NEIL3: variants seen among roughly 807,000 people sequenced by gnomAD.
NEIL3 encodes the protein endonuclease 8-like 3.
In NEIL3, 48 loss-of-function variants were observed where a neutral mutation model predicts 57.5. The observed-to-expected ratio is 0.83, with a 90% CI of 0.66 to 1.06. NEIL3 has a LOEUF of 1.06. Ranked by LOEUF, NEIL3 falls within the 50% of genes least tolerant of loss-of-function variation. The pLI is 0.00. For synonymous variants in NEIL3, 261 were observed against 253.2 expected (o/e 1.03, Z -0.29); for missense variants, 717 against 739.1 (o/e 0.97, Z 0.35).
In NEIL3 at chr4:177,362,509, G is replaced by A; in HGVS notation, c.*38G>A. The A allele has an allele frequency of 6.8e-7, 1 of 1,473,680 alleles. No homozygotes were observed. Among genetic ancestry groups the A allele is most frequent in the Non-Finnish European group, 9.3e-7 (1 of 1,079,126 alleles). 91.3% of individuals were successfully genotyped at this position (1,473,680 alleles called of 1,614,324 possible). A position where few individuals can be genotyped will look rare whatever the true frequency, so the allele number is the denominator to read the frequency against. On this transcript the variant is annotated 3_prime_UTR_variant, in exon 10 of 10. Transcript: ENST00000264596. ...CTCTGGCATTTAGTCTCTTCAAACT[G>A]TGTATAATGTTTGGTCCTCCTCTGT...
intron 6 of NEIL3, among the ~76,000 whole-genome samples, chr4:177,341,860 T>C (rs982925014): frequency 6.6e-6 from 1 of 152,190 alleles, no homozygotes; most frequent in Admixed American, 6.5e-5. Context: ...GTGGAAAATC[T>C]CTGGCTCAGG....
intron 2 of NEIL3, among the ~76,000 whole-genome samples, chr4:177,332,677 C>T (rs1296319318): frequency 1.3e-5 from 2 of 152,082 alleles, no homozygotes; most frequent in African/African-American, 2.4e-5. Context: ...GTGTATTCTC[C>T]TTGTGTCTGG....
At chr4:177,357,667 C>T (rs1560922634) in intron 8 of NEIL3, among the ~76,000 whole-genome samples, 1 of 152,156 alleles carries the variant, frequency 6.6e-6, no homozygotes, top group Non-Finnish European at 1.5e-5. Context: ...TGTACATGAG[C>T]AGACTATAGC....
chr4:177,330,462 A>C (rs1198654855), intron 2 of NEIL3, among the ~76,000 whole-genome samples: 3 of 152,222 alleles, frequency 2.0e-5, no homozygotes, highest in Non-Finnish European at 4.4e-5. Context: ...AACCCAAAAC[A>C]GACAGAAGGA....
intron 8 of NEIL3, among the ~76,000 whole-genome samples, chr4:177,356,291 T>C (rs1488988913): frequency 6.6e-6 from 1 of 152,218 alleles, no homozygotes; most frequent in Non-Finnish European, 1.5e-5. Flanking sequence ...GATTTCTTCA[T>C]AAGCCATTAG....
At chr4:177,353,251 A>G (rs1735396938) in intron 7 of NEIL3, 57 bp from the exon 8 acceptor site, 1 of 1,387,024 alleles carries the variant, frequency 7.2e-7, no homozygotes, top group East Asian at 2.3e-5. Context: ...GATGTTTCAC[A>G]TAATCAGTAT....
In NEIL3 at chr4:177,335,706, A is replaced by C; in HGVS notation, c.297A>C (p.Lys99Asn). 1 of 1,609,144 alleles carries C rather than the reference A, an allele frequency of 6.2e-7. No homozygotes were observed. The highest frequency in any genetic ancestry group is 2.2e-5 in the East Asian group (1 of 44,710). Residue 99 changes from lysine (K) to asparagine (N), a missense_variant, in exon 3 of 10, where the codon AAA becomes AAC. Physicochemically the swap from Lys to Asn is moderately conservative, Grantham distance 94 (BLOSUM62 0). Transcript: ENST00000264596. ...PKALRIHFGM[K>N]GFIMINPLEY... ...GTTTCAGGATTCATTTCGGAATGAA[A>C]GGCTTCATCATGATTAATCCACTTG...
At chr4:177,336,797 C>G (rs929077893) in intron 4 of NEIL3, among the ~76,000 whole-genome samples, 9 of 152,276 alleles carry the variant, frequency 5.9e-5, no homozygotes, top group Non-Finnish European at 1.2e-4. Flanking sequence ...CTTATTTTCT[C>G]TCTCTGGCAT....
At chr4:177,327,122 C>T (rs1434052316) in intron 2 of NEIL3, among the ~76,000 whole-genome samples, 2 of 152,148 alleles carry the variant, frequency 1.3e-5, no homozygotes, top group African/African-American at 2.4e-5. Context: ...TCTCTTCTCT[C>T]TCCTGCTGCC....
intron 8 of NEIL3, among the ~76,000 whole-genome samples, chr4:177,354,807 A>C (rs1735439593): frequency 6.6e-6 from 1 of 152,186 alleles, no homozygotes; most frequent in Admixed American, 6.6e-5. Context: ...AAGTCCTAAA[A>C]AGCATACTTG....
intron 6 of NEIL3, among the ~76,000 whole-genome samples, chr4:177,350,531 G>C (rs1432150924): frequency 6.6e-6 from 1 of 151,960 alleles, no homozygotes; most frequent in East Asian, 1.9e-4. Flanking sequence ...TTACATGAAG[G>C]GAAACAACAC....
In NEIL3 at chr4:177,322,480, T is replaced by C. The variant is rs1734703870; in HGVS notation, c.178T>C (p.Ser60Pro). ...CTAGGCTGCTGCACTGAATAATGATTCCAGCCAGAATGTCTTGAGCCTGTT... is the reference window on the plus strand; with the variant it reads ...CTAGGCTGCTGCACTGAATAATGATCCCAGCCAGAATGTCTTGAGCCTGTT... ...SPQAAALNND[S>P]SQNVLSLFNG... Residue 60 changes from serine to proline, a missense_variant, in exon 2 of 10, where the codon TCC (serine) becomes CCC (proline). Transcript: ENST00000264596. 1.2e-6 allele frequency: 2 copies of C among 1,613,978 alleles called. No homozygotes were observed. The highest frequency in any genetic ancestry group is 1.3e-5 in the African/African-American group (1 of 75,032).
intron 2 of NEIL3, among the ~76,000 whole-genome samples, chr4:177,327,011 G>A (rs74540858): frequency 0.018 from 2,677 of 152,058 alleles, 85 homozygotes; most frequent in African/African-American, 0.058. Flanking sequence ...GGAAAGAGGC[G>A]ACTGGATCAT....
intron 2 of NEIL3, among the ~76,000 whole-genome samples, chr4:177,325,991 C>G (rs1734772348): frequency 6.6e-6 from 1 of 151,974 alleles, no homozygotes; most frequent in South Asian, 2.1e-4. Context: ...CAATCTATGG[C>G]TTTTCTCTTC....
chr4:177,349,891 T>C (rs1735316194), intron 6 of NEIL3, among the ~76,000 whole-genome samples: 1 of 152,184 alleles, frequency 6.6e-6, no homozygotes, highest in African/African-American at 2.4e-5. Flanking sequence ...CTAAAAGTCA[T>C]TTAAATTGTG....
At chr4:177,367,394 T>G (rs1253746634), downstream of NEIL3, among the ~76,000 whole-genome samples, 4 of 96,552 alleles carry the variant, frequency 4.1e-5, no homozygotes, top group African/African-American at 1.6e-4. Context: ...GTTCTGTTCT[T>G]TCTTCTGATG....
intron 8 of NEIL3, 71 bp downstream of exon 8, chr4:177,353,799 T>A (rs1735416098): frequency 7.6e-7 from 1 of 1,317,914 alleles, no homozygotes; most frequent in Non-Finnish European, 1.1e-6. Flanking sequence ...GAGGTCTCAC[T>A]CTGTCACCTA....
chr4:177,322,647 GT>G, intron 2 of NEIL3, 67 bp downstream of exon 2: 1 of 1,590,458 alleles, frequency 6.3e-7, no homozygotes, highest in South Asian at 1.1e-5. Flanking sequence ...GCTAGATGGA[GT>G]TTGCCGGGTG....
Position 177,335,790 on chromosome 4 carries a change from G to T in NEIL3, c.381G>T (p.Leu127Phe), listed in dbSNP as rs1452058697. 1.9e-6 allele frequency: 3 copies of T among 1,578,684 alleles called. No homozygotes were observed. The highest frequency in any genetic ancestry group is 1.2e-5 in the South Asian group (1 of 84,120). Residue 127 changes from leucine to phenylalanine, a missense_variant, in exon 3 of 10, where the codon TTG becomes TTT. By Grantham distance (22) the Leu-to-Phe change is conservative. Transcript: ENST00000264596. ...TGGAAGTGCAGCTCACCAAAGATTT[G>T]ATTTGTTTCTTTGACTCATCAGTAG... ...PVLEVQLTKD[L>F]ICFFDSSVEL...
Sources: gnomAD v4.1 joint callset for allele counts (sites outside exome capture counted in the v4.1 genomes callset) on GRCh38, gnomAD v4.1.1 for gene constraint, MANE v1.5 for transcripts, NCBI Gene and HGNC (gene_info 2026-07-23, HGNC 2026-07-21) for gene names.